Variants in NOL4 observed in about 807,000 individuals in gnomAD.
NOL4 encodes the protein nucleolar protein 4.
A neutral mutation model predicts 75.9 loss-of-function variants in NOL4; 17 were observed. The observed-to-expected ratio is 0.22, with a 90% CI of 0.15 to 0.34. NOL4 has a LOEUF of 0.34. Among genes scored for constraint, NOL4 ranks in the 10% least tolerant of loss-of-function variants. The probability of loss-of-function intolerance (pLI) is 1.00; values close to 1 mark genes in which losing one functional copy is unlikely to be tolerated. For synonymous variants in NOL4, 292 were observed against 289.9 expected (o/e 1.01, Z -0.07); for missense variants, 614 against 793.5 (o/e 0.77, Z 2.72).
chr18:33,993,794 G>T (rs1368291507), intron 6 of NOL4, among the ~76,000 whole-genome samples: 1 of 151,668 alleles, frequency 6.6e-6, no homozygotes, highest in African/African-American at 2.4e-5. Context: ...TTCTGGAGTT[G>T]AAAAGTATAG....
chr18:33,944,050 A>G (rs2068677384), intron 8 of NOL4, among the ~76,000 whole-genome samples: 1 of 152,012 alleles, frequency 6.6e-6, no homozygotes, highest in East Asian at 1.9e-4. Flanking sequence ...TTAAATTAAG[A>G]TAAGCAAATG....
At chr18:34,015,598 T>C (rs529977771) in intron 6 of NOL4, among the ~76,000 whole-genome samples, 30 of 152,104 alleles carry the variant, frequency 2.0e-4, no homozygotes, top group African/African-American at 6.5e-4. Flanking sequence ...ATTTCAACTC[T>C]CTCCTCATTC....
intron 6 of NOL4, among the ~76,000 whole-genome samples, chr18:33,966,338 T>A (rs1326502048): frequency 6.6e-6 from 1 of 152,070 alleles, no homozygotes; most frequent in Admixed American, 6.6e-5. Flanking sequence ...ACAGCAAAAA[T>A]CATACTGACT....
intron 9 of NOL4, among the ~76,000 whole-genome samples, chr18:33,905,907 A>T (rs2066010314): frequency 6.6e-6 from 1 of 152,192 alleles, no homozygotes; most frequent in South Asian, 2.1e-4. Flanking sequence ...GATGGGAGAC[A>T]ACATCCCATT....
chr18:33,869,937 G>T (rs558873422), intron 10 of NOL4, among the ~76,000 whole-genome samples: 2 of 152,176 alleles, frequency 1.3e-5, no homozygotes, highest in African/African-American at 4.8e-5. Context: ...TGTATATGAA[G>T]AAAGGCAGGG....
chr18:34,114,356 C>CA (rs1299775247), intron 2 of NOL4, among the ~76,000 whole-genome samples: 1 of 151,990 alleles, frequency 6.6e-6, no homozygotes, highest in African/African-American at 2.4e-5. Flanking sequence ...TGATAAGACA[C>CA]AAAATAGAAT....
intron 8 of NOL4, among the ~76,000 whole-genome samples, chr18:33,946,802 A>G (rs11873356): frequency 0.033 from 5,028 of 151,852 alleles, 153 homozygotes; most frequent in Middle Eastern, 0.085. Context: ...TAGCTAAGTT[A>G]TGCCACAAAT....
chr18:34,044,063 A>G (rs2076255025), intron 5 of NOL4, among the ~76,000 whole-genome samples: 1 of 152,108 alleles, frequency 6.6e-6, no homozygotes, highest in South Asian at 2.1e-4. Context: ...TTCAGACTTC[A>G]TAGTCACGTT....
chr18:33,903,326 CA>C (rs1179706907), intron 9 of NOL4, among the ~76,000 whole-genome samples: 1 of 152,128 alleles, frequency 6.6e-6, no homozygotes, highest in African/African-American at 2.4e-5. Context: ...AAACTGCATC[CA>C]TAATCCAATC....
rs114553777 is a variant in NOL4, at chr18:34,007,676, G to A, written c.1056+11642C>T. Among the ~76,000 whole-genome samples, 1,271 of 151,878 alleles carry A rather than the reference G, an allele frequency of 8.4e-3. 17 individuals are homozygous for A. The highest frequency in any genetic ancestry group is 0.029 in the African/African-American group (1,190 of 41,468). On this transcript the variant is annotated intron_variant, in intron 6 of 10. Transcript: ENST00000261592. ...CGCTATATTAGGGTATTTAATTATTGTTCATTTTACATCATCATATTTAAG... is the reference window on the plus strand; with the variant it reads ...CGCTATATTAGGGTATTTAATTATTATTCATTTTACATCATCATATTTAAG...
chr18:34,114,688 T>A (rs1448932421), intron 2 of NOL4, among the ~76,000 whole-genome samples: 1 of 152,204 alleles, frequency 6.6e-6, no homozygotes, highest in Non-Finnish European at 1.5e-5. Context: ...AACTTTTTGA[T>A]AAATTGGTTG....
intron 1 of NOL4, among the ~76,000 whole-genome samples, chr18:34,190,647 G>A (rs2034846237): frequency 6.6e-6 from 1 of 151,598 alleles, no homozygotes; most frequent in African/African-American, 2.4e-5. Flanking sequence ...GTCAAAGGAA[G>A]AGTACAAAGA....
chr18:34,199,077 G>T (rs1181202287), intron 1 of NOL4, among the ~76,000 whole-genome samples: 1 of 151,592 alleles, frequency 6.6e-6, no homozygotes, highest in Non-Finnish European at 1.5e-5. Context: ...CATAAGTGAG[G>T]GACTTATGGT....
intron 9 of NOL4, among the ~76,000 whole-genome samples, chr18:33,927,663 G>T (rs973151931): frequency 3.9e-5 from 6 of 152,136 alleles, no homozygotes; most frequent in Non-Finnish European, 8.8e-5. Flanking sequence ...TTGATCTTTT[G>T]TCATGAAATG....
At chr18:33,874,221 G>C (rs1440968384) in intron 10 of NOL4, among the ~76,000 whole-genome samples, 4 of 151,842 alleles carry the variant, frequency 2.6e-5, no homozygotes, top group Non-Finnish European at 5.9e-5. Flanking sequence ...GGGATGTTGA[G>C]AGAATCCAAG....
chr18:34,106,165 T>C (rs1387167916), intron 2 of NOL4, among the ~76,000 whole-genome samples: 2 of 152,062 alleles, frequency 1.3e-5, no homozygotes, highest in Non-Finnish European at 2.9e-5. Flanking sequence ...TTACAAACAC[T>C]GATGTATTTT....
chr18:33,933,203 A>T lies in NOL4; in HGVS notation c.1542+9862T>A, dbSNP rs564078423. Among the ~76,000 whole-genome samples the T allele has an allele frequency of 2.0e-4, 30 of 152,306 alleles. No homozygotes were observed. In the South Asian group the frequency reaches 6.0e-3, roughly 31 times the overall value. ...ATTAAGTGTGCAATATCATTTGTCT[A>T]AAACAAAACCAATGCGCTTACCTTA... On this transcript the variant is annotated intron_variant, in intron 9 of 10. Coordinates refer to ENST00000261592, the MANE Select transcript of NOL4 (RefSeq NM_003787.5).
At chr18:34,099,636 C>T (rs755296982) in intron 4 of NOL4, among the ~76,000 whole-genome samples, 2 of 152,026 alleles carry the variant, frequency 1.3e-5, no homozygotes, top group South Asian at 2.1e-4. Flanking sequence ...TCTAGTATTC[C>T]GATGAAATTT....
intron 5 of NOL4, among the ~76,000 whole-genome samples, chr18:34,059,914 C>A (rs1226773126): frequency 6.6e-6 from 1 of 152,064 alleles, no homozygotes; most frequent in Non-Finnish European, 1.5e-5. Flanking sequence ...AAATTCATTA[C>A]CGAGATGAGC....
Sources: gnomAD v4.1 joint callset for allele counts (sites outside exome capture counted in the v4.1 genomes callset) on GRCh38, gnomAD v4.1.1 for gene constraint, MANE v1.5 for transcripts, NCBI Gene and HGNC (gene_info 2026-07-23, HGNC 2026-07-21) for gene names.